SPAG16: variants seen among roughly 807,000 people sequenced by gnomAD.
SPAG16 encodes the protein sperm associated antigen 16, also known as sperm-associated antigen 16 protein.
Under a neutral mutation model 80.4 loss-of-function variants are expected in SPAG16, and 86 were observed. The ratio of observed to expected loss-of-function variants is 1.07; its 90% CI spans 0.90 to 1.28. The LOEUF (loss-of-function observed/expected upper bound fraction) is 1.28. SPAG16 is among the 50% of genes most tolerant of loss of function. SPAG16 has a pLI of 0.00. For synonymous variants in SPAG16, 294 were observed against 265.9 expected (o/e 1.11, Z -1.03); for missense variants, 870 against 765.3 (o/e 1.14, Z -1.61).
chr2:214,185,492 T>C (rs1553520931), intron 15 of SPAG16, among the ~76,000 whole-genome samples: 1 of 147,142 alleles, frequency 6.8e-6, no homozygotes, highest in Non-Finnish European at 1.5e-5. Context: ...TCCTATGTGA[T>C]AAAAAAAAAA....
intron 6 of SPAG16, among the ~76,000 whole-genome samples, chr2:213,344,921 G>T (rs903400304): frequency 2.6e-5 from 4 of 152,184 alleles, no homozygotes; most frequent in African/African-American, 4.8e-5. Flanking sequence ...GGGTCAAATG[G>T]TATTTCTAGT....
chr2:213,344,702 C>T (rs1419875253), intron 6 of SPAG16, among the ~76,000 whole-genome samples: 2 of 152,062 alleles, frequency 1.3e-5, no homozygotes, highest in East Asian at 1.9e-4. Context: ...CTACAAAGGA[C>T]ATGAACTCAT....
chr2:213,779,369 C>A (rs754082430), intron 10 of SPAG16, among the ~76,000 whole-genome samples: 5 of 152,122 alleles, frequency 3.3e-5, no homozygotes, highest in Non-Finnish European at 1.5e-5. Context: ...TAACCTTAAC[C>A]TAAAATGAAT....
chr2:214,356,212 G>GA (rs1012677416), intron 15 of SPAG16, among the ~76,000 whole-genome samples: 3 of 149,654 alleles, frequency 2.0e-5, no homozygotes, highest in Non-Finnish European at 4.5e-5. Flanking sequence ...TAAAAAATGA[G>GA]AAAAAAATAA....
chr2:213,614,520 C>T (rs2061534954), intron 10 of SPAG16, among the ~76,000 whole-genome samples: 1 of 152,144 alleles, frequency 6.6e-6, no homozygotes, highest in South Asian at 2.1e-4. Flanking sequence ...GCTATCAGTC[C>T]TTCAGAGGCA....
At chr2:213,378,140 A>G (rs959772781) in intron 9 of SPAG16, among the ~76,000 whole-genome samples, 4 of 151,746 alleles carry the variant, frequency 2.6e-5, no homozygotes, top group Admixed American at 2.6e-4. Flanking sequence ...GTCTTTTCAC[A>G]TTTTTCTGCC....
chr2:214,230,721 A>C (rs1201500438), intron 15 of SPAG16, among the ~76,000 whole-genome samples: 2 of 151,934 alleles, frequency 1.3e-5, no homozygotes, highest in East Asian at 1.9e-4. Context: ...AAAAGGAGGC[A>C]CAAAGTACAG....
intron 9 of SPAG16, among the ~76,000 whole-genome samples, chr2:213,453,058 C>T (rs1213217173): frequency 6.6e-6 from 1 of 152,210 alleles, no homozygotes; most frequent in Non-Finnish European, 1.5e-5. Context: ...CCTCTGTTCA[C>T]TCTAGGCCAG....
intron 15 of SPAG16, among the ~76,000 whole-genome samples, chr2:214,193,438 A>T (rs1410302199): frequency 4.2e-5 from 6 of 142,888 alleles, no homozygotes; most frequent in Non-Finnish European, 9.5e-5. Flanking sequence ...AGAGAGAGAG[A>T]GAGAGAGAGA....
chr2:214,076,335 GAT>G (rs2051071262), intron 13 of SPAG16, among the ~76,000 whole-genome samples: 2 of 152,064 alleles, frequency 1.3e-5, no homozygotes, highest in South Asian at 4.1e-4. Flanking sequence ...GGTATCTAGG[GAT>G]TAAGTGTTTT....
rs34005287 is a variant in SPAG16, at chr2:213,469,570, GTTTTTTTTTTTTTTT to G, written c.943-20381_943-20367del. Among the ~76,000 whole-genome samples the G allele has an allele frequency of 4.0e-3, 315 of 79,302 alleles. 3 individuals are homozygous for G. Among genetic ancestry groups the G allele is most frequent in the African/African-American group, 0.013 (301 of 22,758 alleles). The allele number at this position is 79,302 out of a possible 152,430, so 52.0% of individuals were successfully genotyped here. On this transcript the variant is annotated intron_variant, in intron 9 of 15. Transcript: ENST00000331683. ...TTGCCTTCAGCAAGCACCTCAGCAG[GTTTTTTTTTTTTTTT>G]TTTTTTTTTTTCCTGGTGGAATGAC...
intron 5 of SPAG16, among the ~76,000 whole-genome samples, chr2:213,335,717 G>T (rs564587614): frequency 9.9e-5 from 15 of 152,158 alleles, no homozygotes; most frequent in Non-Finnish European, 1.6e-4. Context: ...GTATAAGATT[G>T]TTGGCATGAA....
At chr2:214,074,314 G>A (rs995985976) in intron 13 of SPAG16, among the ~76,000 whole-genome samples, 6 of 152,146 alleles carry the variant, frequency 3.9e-5, no homozygotes, top group African/African-American at 7.2e-5. Flanking sequence ...TGGAAGAGAG[G>A]TTGTTTTTAT....
chr2:214,281,838 A>G (rs1181760559), intron 15 of SPAG16, among the ~76,000 whole-genome samples: 1 of 152,208 alleles, frequency 6.6e-6, no homozygotes, highest in East Asian at 1.9e-4. Context: ...AAATGTAATA[A>G]ACTACTGATA....
At chr2:213,414,383 CA>C (rs1374871092) in intron 9 of SPAG16, among the ~76,000 whole-genome samples, 1 of 152,016 alleles carries the variant, frequency 6.6e-6, no homozygotes, top group African/African-American at 2.4e-5. Flanking sequence ...ATTAATTAGA[CA>C]TTTTTTACTG....
At chr2:213,408,269 A>T (rs1289744690) in intron 9 of SPAG16, among the ~76,000 whole-genome samples, 1 of 152,346 alleles carries the variant, frequency 6.6e-6, no homozygotes, top group South Asian at 2.1e-4. Flanking sequence ...GCCAGAAAGC[A>T]CTGAGGCCAC....
chr2:214,085,920 T>G (rs2051709331), intron 13 of SPAG16, among the ~76,000 whole-genome samples: 2 of 152,256 alleles, frequency 1.3e-5, no homozygotes, highest in Admixed American at 1.3e-4. Context: ...ATCTTTGATT[T>G]GTGTTTCTTT....
At chr2:214,045,928 T>C (rs1237744185) in intron 13 of SPAG16, among the ~76,000 whole-genome samples, 1 of 152,048 alleles carries the variant, frequency 6.6e-6, no homozygotes, top group Non-Finnish European at 1.5e-5. Flanking sequence ...AGACAGTTTT[T>C]TGAAAAGTTA....
intron 10 of SPAG16, among the ~76,000 whole-genome samples, chr2:213,846,240 A>C (rs1446700088): frequency 6.6e-6 from 1 of 152,176 alleles, no homozygotes; most frequent in African/African-American, 2.4e-5. Context: ...AAATCTGATA[A>C]AATCAGTTGA....
Sources: gnomAD v4.1 joint callset for allele counts (sites outside exome capture counted in the v4.1 genomes callset) on GRCh38, gnomAD v4.1.1 for gene constraint, MANE v1.5 for transcripts, NCBI Gene and HGNC (gene_info 2026-07-23, HGNC 2026-07-21) for gene names.